The following EPB41L3 variants were observed in gnomAD, a reference collection of about 807,000 sequenced individuals.
EPB41L3 encodes the protein band 4.1-like protein 3.
A neutral mutation model predicts 127.1 loss-of-function variants in EPB41L3; 57 were observed. That is an observed-to-expected ratio of 0.45 (90% confidence interval 0.36 to 0.56). EPB41L3 has a LOEUF of 0.56. Ranked by LOEUF, EPB41L3 falls within the 20% of genes least tolerant of loss-of-function variation. The pLI is 0.00. For missense variants in EPB41L3, 1,273 were observed against 1,372.2 expected (o/e 0.93, Z 1.14); for synonymous variants, 572 against 549.5 (o/e 1.04, Z -0.57).
chr18:5,563,383 G>A (rs1314700206), intron 3 of EPB41L3, among the ~76,000 whole-genome samples: 2 of 152,174 alleles, frequency 1.3e-5, no homozygotes, highest in African/African-American at 4.8e-5. Context: ...TGTAAGACTG[G>A]TTAGTGGCAG....
In EPB41L3 at chr18:5,493,683, C is replaced by T. The variant is rs182956807; in HGVS notation, c.-11-4489G>A. The stretch of plus-strand genomic sequence containing the variant: ...ACTCTCCTACTCCCTCTAGTAGGGC[C>T]CTACCTCTCTACTTTTCTGTGGTGC... On this transcript the variant is annotated intron_variant, in intron 1 of 22. Coordinates refer to ENST00000341928, the MANE Select transcript of EPB41L3 (RefSeq NM_012307.5). Among the ~76,000 whole-genome samples, 35 of 152,238 alleles carry T rather than the reference C, an allele frequency of 2.3e-4. No individual in the cohort carries two copies. The East Asian group carries it at 6.6e-3, about 29-fold the overall frequency.
chr18:5,415,207 T>C (rs751005036), intron 13 of EPB41L3, among the ~76,000 whole-genome samples: 1 of 152,250 alleles, frequency 6.6e-6, no homozygotes, highest in Admixed American at 6.5e-5. Context: ...CAATGGCTGA[T>C]GTCATGTGGG....
At chr18:5,589,276 C>T (rs1247733952) in intron 3 of EPB41L3, among the ~76,000 whole-genome samples, 1 of 152,110 alleles carries the variant, frequency 6.6e-6, no homozygotes, top group African/African-American at 2.4e-5. Flanking sequence ...TCTCTGTCAA[C>T]ACTCCCCAGG....
chr18:5,458,229 AG>A (rs1216861345), intron 3 of EPB41L3, among the ~76,000 whole-genome samples: 1 of 152,202 alleles, frequency 6.6e-6, no homozygotes, highest in African/African-American at 2.4e-5. Context: ...TTGTAAAAAG[AG>A]AATACTTTAT....
intron 1 of EPB41L3, among the ~76,000 whole-genome samples, chr18:5,512,462 G>A (rs1424203368): frequency 6.6e-6 from 1 of 152,146 alleles, no homozygotes; most frequent in African/African-American, 2.4e-5. Flanking sequence ...GGTCACGAGC[G>A]ATCTGACCGC....
intron 3 of EPB41L3, among the ~76,000 whole-genome samples, chr18:5,461,033 T>C (rs916649962): frequency 6.6e-6 from 1 of 152,224 alleles, no homozygotes; most frequent in East Asian, 1.9e-4. Context: ...TTTTATTTTT[T>C]TCCCCCCTAT....
chr18:5,443,996 T>C, intron 4 of EPB41L3, 116 bp from the exon 5 acceptor site: 1 of 831,086 alleles, frequency 1.2e-6, no homozygotes, highest in Non-Finnish European at 1.9e-6. Context: ...TGGGAAGGCT[T>C]CCCTTACTGT....
chr18:5,525,906 T>C (rs1685673205), intron 1 of EPB41L3, among the ~76,000 whole-genome samples: 1 of 152,148 alleles, frequency 6.6e-6, no homozygotes, highest in Admixed American at 6.5e-5. Flanking sequence ...TGTCTTCTAT[T>C]GGAGAAACAA....
intron 1 of EPB41L3, among the ~76,000 whole-genome samples, chr18:5,497,537 G>A (rs1236094225): frequency 6.6e-6 from 1 of 152,154 alleles, no homozygotes; most frequent in Non-Finnish European, 1.5e-5. Context: ...TAAAACACAG[G>A]GATCCCTAGT....
intron 3 of EPB41L3, among the ~76,000 whole-genome samples, chr18:5,466,119 T>G (rs1424911593): frequency 8.5e-5 from 13 of 152,198 alleles, no homozygotes; most frequent in Admixed American, 8.5e-4. Context: ...AACATTGGAC[T>G]GAAATACAAC....
intron 22 of EPB41L3, 124 bp from the exon 23 acceptor site, chr18:5,393,602 C>A: frequency 1.6e-6 from 1 of 621,130 alleles, no homozygotes; most frequent in African/African-American, 1.8e-5. Context: ...CCATGACATT[C>A]CAGCGTTAAG....
chr18:5,613,569 T>A (rs1479495890), intron 2 of EPB41L3, among the ~76,000 whole-genome samples: 4 of 152,190 alleles, frequency 2.6e-5, no homozygotes, highest in Non-Finnish European at 4.4e-5. Context: ...GACTGGGAAG[T>A]CCCTAAGATC....
rs2076672569 is a variant in EPB41L3 at position 5,415,400 on chromosome 18, G to A, written c.2067+418C>T. On this transcript the variant is annotated intron_variant, in intron 13 of 22. Coordinates refer to ENST00000341928, the MANE Select transcript of EPB41L3 (RefSeq NM_012307.5). Reference sequence around the variant, plus strand: ...GTGATGATGATACATCCCCTCCGGGGATGCACTCTTCCACCTCTCCTTGAC... The same window carrying A: ...GTGATGATGATACATCCCCTCCGGGAATGCACTCTTCCACCTCTCCTTGAC... Among the ~76,000 whole-genome samples the A allele has an allele frequency of 2.6e-5, 4 of 152,194 alleles. No homozygotes were observed. In the South Asian group the frequency reaches 8.3e-4, roughly 32 times the overall value.
intron 3 of EPB41L3, among the ~76,000 whole-genome samples, chr18:5,458,308 T>C (rs2083428632): frequency 6.6e-6 from 1 of 152,238 alleles, no homozygotes; most frequent in South Asian, 2.1e-4. Context: ...AACTTCCCGA[T>C]AAACTTCTCA....
intron 1 of EPB41L3, among the ~76,000 whole-genome samples, chr18:5,517,072 A>C (rs1451784209): frequency 6.6e-6 from 1 of 152,134 alleles, no homozygotes; most frequent in Non-Finnish European, 1.5e-5. Flanking sequence ...TGCTGCTCTG[A>C]GGGCAGAGCA....
Position 5,606,994 on chromosome 18 carries a change from A to G in EPB41L3, c.-306+5346T>C, listed in dbSNP as rs918815745. Among the ~76,000 whole-genome samples, 3 of 152,112 alleles carry G rather than the reference A, an allele frequency of 2.0e-5. No homozygotes were observed. The South Asian group carries it at 6.2e-4, about 32-fold the overall frequency. ...ATAATACAGGAAAAAAAGGGTGAAT[A>G]ACATTGCTATCATGGTAAACGTGAA... On this transcript the variant is annotated intron_variant, in intron 3 of 21. Transcript: ENST00000545076.
In EPB41L3 at chr18:5,392,685, G is replaced by C. The variant is rs543792657; in HGVS notation, c.*800C>G. On this transcript the variant is annotated 3_prime_UTR_variant, in exon 23 of 23. Transcript: ENST00000341928. ...AGAAAACAAAGCCACAGGAAGCCCAGCAGTTTCTCCTGAAGTGAAATTTCA... is the reference window on the plus strand; with the variant it reads ...AGAAAACAAAGCCACAGGAAGCCCACCAGTTTCTCCTGAAGTGAAATTTCA... The C allele has an allele frequency of 5.2e-4, 80 of 152,680 alleles. 1 individual carries two copies. Among genetic ancestry groups the C allele is most frequent in the African/African-American group, 1.9e-3 (78 of 41,562 alleles). 9.5% of individuals were successfully genotyped at this position (152,680 alleles called of 1,614,324 possible). A position where few individuals can be genotyped will look rare whatever the true frequency, so the allele number is the denominator to read the frequency against.
At chr18:5,407,048 T>A in intron 15 of EPB41L3, 80 bp from the exon 16 acceptor site, 1 of 1,372,568 alleles carries the variant, frequency 7.3e-7, no homozygotes, top group Non-Finnish European at 1.0e-6. Flanking sequence ...GCTTTAAAAG[T>A]AATGTCAATC....
intron 3 of EPB41L3, among the ~76,000 whole-genome samples, chr18:5,574,537 T>C (rs2094318536): frequency 1.3e-5 from 2 of 152,074 alleles, no homozygotes; most frequent in Admixed American, 6.6e-5. Flanking sequence ...AGTCCGTATA[T>C]CCAGAACTTA....
Sources: gnomAD v4.1 joint callset for allele counts (sites outside exome capture counted in the v4.1 genomes callset) on GRCh38, gnomAD v4.1.1 for gene constraint, MANE v1.5 for transcripts, NCBI Gene and HGNC (gene_info 2026-07-23, HGNC 2026-07-21) for gene names.